The following NUP58 variants were observed in gnomAD, a reference collection of about 807,000 sequenced individuals.
NUP58 encodes nucleoporin p58/p45.
NUP58 carries 17 observed loss-of-function variants against 70.1 expected under a neutral mutation model. That is an observed-to-expected ratio of 0.24 (90% CI 0.17 to 0.36). The LOEUF (loss-of-function observed/expected upper bound fraction) is 0.36. NUP58 is among the 10% of genes least tolerant of loss of function. NUP58 has a pLI of 1.00. For synonymous variants in NUP58, 275 were observed against 257.6 expected (o/e 1.07, Z -0.65); for missense variants, 644 against 701.5 (o/e 0.92, Z 0.93).
chr13:25,315,356 G>A lies in NUP58; in HGVS notation c.575-1G>A. 3.1e-6 allele frequency: 5 copies of A among 1,604,388 alleles called. No individual in the cohort carries two copies. The highest frequency in any genetic ancestry group is 1.1e-5 in the South Asian group (1 of 90,164). ...ATTTATAAGTTATGTTTTATTTATA[G>A]GACTTGGACAGAATGCTTTAGGGTT... On this transcript the variant is annotated splice_acceptor_variant, in intron 5 of 15. Coordinates refer to ENST00000381736, the MANE Select transcript of NUP58 (RefSeq NM_014089.4). LOFTEE classifies it high-confidence loss of function.
At chr13:25,311,673 C>CTTTT (rs149489423) in intron 3 of NUP58, among the ~76,000 whole-genome samples, 1 of 121,962 alleles carries the variant, frequency 8.2e-6, no homozygotes, top group Non-Finnish European at 1.7e-5. Context: ...CGGCACCTGT[C>CTTTT]TTTTTTTTTT....
At chr13:25,324,878 G>T in intron 9 of NUP58, 111 bp from the exon 10 acceptor site, 1 of 729,882 alleles carries the variant, frequency 1.4e-6, no homozygotes, top group African/African-American at 1.8e-5. Context: ...GAACCTCCAA[G>T]GTATTGTTTG....
intron 1 of NUP58, among the ~76,000 whole-genome samples, chr13:25,307,416 C>CT (rs1436946588): frequency 1.3e-5 from 2 of 151,814 alleles, no homozygotes; most frequent in Non-Finnish European, 2.9e-5. Flanking sequence ...AGGTTTCACC[C>CT]TGTTGGTCAG....
At chr13:25,326,270 A>C (rs1204621949) in intron 10 of NUP58, among the ~76,000 whole-genome samples, 1 of 151,664 alleles carries the variant, frequency 6.6e-6, no homozygotes, top group Non-Finnish European at 1.5e-5. Flanking sequence ...TGCAAAATGC[A>C]TTCATGGTTG....
intron 13 of NUP58, chr13:25,332,736 T>C (rs911660707): frequency 1.0e-6 from 1 of 985,338 alleles, no homozygotes; most frequent in Non-Finnish European, 1.2e-6. Flanking sequence ...GAATAGTGGC[T>C]CGCACGAGCA....
intron 10 of NUP58, among the ~76,000 whole-genome samples, chr13:25,325,924 A>G (rs2137793460): frequency 6.6e-6 from 1 of 152,294 alleles, no homozygotes; most frequent in Non-Finnish European, 1.5e-5. Flanking sequence ...TTTCAAGATG[A>G]GAACTAAAAA....
chr13:25,305,161 T>TA (rs2030281358), intron 1 of NUP58, among the ~76,000 whole-genome samples: 4 of 136,552 alleles, frequency 2.9e-5, no homozygotes, highest in African/African-American at 9.2e-5. Flanking sequence ...TTTTTTTTTT[T>TA]GAGACAGGGC....
chr13:25,346,263 C>CT (rs1418414860), downstream of NUP58, among the ~76,000 whole-genome samples: 4 of 151,936 alleles, frequency 2.6e-5, no homozygotes, highest in African/African-American at 4.8e-5. Context: ...AGTGTTGTTC[C>CT]TTTTTTTTAC....
At chr13:25,311,038 C>T (rs999061816) in intron 3 of NUP58, among the ~76,000 whole-genome samples, 8 of 152,040 alleles carry the variant, frequency 5.3e-5, no homozygotes, top group Admixed American at 1.3e-4. Context: ...GATAAATGTC[C>T]TAAAAGATGT....
At chr13:25,318,513 A>G (rs558149571) in intron 6 of NUP58, among the ~76,000 whole-genome samples, 2 of 152,310 alleles carry the variant, frequency 1.3e-5, no homozygotes, top group South Asian at 2.1e-4. Flanking sequence ...ATATTAAATT[A>G]TGTAAATGAG....
chr13:25,337,263 A>ATAT (rs2031819195), intron 14 of NUP58, among the ~76,000 whole-genome samples: 1 of 152,170 alleles, frequency 6.6e-6, no homozygotes, highest in Non-Finnish European at 1.5e-5. Context: ...ATTAAGTGGT[A>ATAT]GGCATGTTCA....
At chr13:25,311,648 TACAGACGTGAGCCACGGC>T in intron 3 of NUP58, among the ~76,000 whole-genome samples, 2 of 151,726 alleles carry the variant, frequency 1.3e-5, no homozygotes, top group South Asian at 4.2e-4. Context: ...GTGCTGGGAT[TACAGACGTGAGCCACGGC>T]ACCTGTCTTT....
At chr13:25,324,311 C>G (rs954114550) in intron 9 of NUP58, among the ~76,000 whole-genome samples, 1 of 151,792 alleles carries the variant, frequency 6.6e-6, no homozygotes, top group African/African-American at 2.4e-5. Flanking sequence ...AAATAGAGGT[C>G]GAAAATATAG....
intron 1 of NUP58, 137 bp downstream of exon 1, chr13:25,302,017 C>T (rs1279753945): frequency 3.2e-6 from 2 of 627,128 alleles, no homozygotes; most frequent in East Asian, 3.0e-5. Context: ...TTAATCTAGC[C>T]GCCCGGCGTC....
rs1027556091 is a variant in NUP58, at chr13:25,304,900, A to C, written c.108-2906A>C. Among the ~76,000 whole-genome samples, 12 of 152,172 alleles carry C rather than the reference A, an allele frequency of 7.9e-5. No homozygotes were observed. The East Asian group carries it at 2.3e-3, about 30-fold the overall frequency. Reference sequence around the variant, plus strand: ...CACATTATACACACAACAGTGTCAAAATAACAATACGATCAGACTACTACC... The same window carrying C: ...CACATTATACACACAACAGTGTCAACATAACAATACGATCAGACTACTACC... On this transcript the variant is annotated intron_variant, in intron 1 of 15. Transcript: ENST00000381736.
intron 6 of NUP58, among the ~76,000 whole-genome samples, chr13:25,318,827 G>A (rs1405163408): frequency 6.6e-6 from 1 of 152,198 alleles, no homozygotes; most frequent in Non-Finnish European, 1.5e-5. Context: ...TTGTCAGATT[G>A]GAGAAGTACA....
rs2031953703 is a variant in NUP58, at chr13:25,341,475, G to C, written c.*1341G>C. The C allele has an allele frequency of 6.6e-6, 1 of 152,614 alleles. No individual in the cohort carries two copies. The highest frequency in any genetic ancestry group is 1.5e-5 in the Non-Finnish European group (1 of 68,028). 9.5% of individuals were successfully genotyped at this position (152,614 alleles called of 1,614,324 possible). A position where few individuals can be genotyped will look rare whatever the true frequency, so the allele number is the denominator to read the frequency against. On this transcript the variant is annotated 3_prime_UTR_variant, in exon 16 of 16. Coordinates refer to ENST00000381736, the MANE Select transcript of NUP58 (RefSeq NM_014089.4). ...GCTATTGATATTGACACCAAATGGA[G>C]TGGCTTCTCAGCCTCTTAATGTCTT...
intron 14 of NUP58, among the ~76,000 whole-genome samples, chr13:25,337,436 G>A (rs745402163): frequency 2.0e-5 from 3 of 152,028 alleles, no homozygotes; most frequent in Admixed American, 6.6e-5. Context: ...TTCTGAAAAT[G>A]AGTACTTAGG....
chr13:25,307,402 G>A (rs1025430270), intron 1 of NUP58, among the ~76,000 whole-genome samples: 1 of 151,948 alleles, frequency 6.6e-6, no homozygotes, highest in Non-Finnish European at 1.5e-5. Context: ...TTTTGGAAGA[G>A]ACGAGGTTTC....
Sources: gnomAD v4.1 joint callset for allele counts (sites outside exome capture counted in the v4.1 genomes callset) on GRCh38, gnomAD v4.1.1 for gene constraint, MANE v1.5 for transcripts, NCBI Gene and HGNC (gene_info 2026-07-23, HGNC 2026-07-21) for gene names.